The following PGM3 variants were observed in gnomAD, a reference collection of about 807,000 sequenced individuals.
The protein encoded by PGM3 is phosphoglucomutase 3.
A neutral mutation model predicts 66.2 loss-of-function variants in PGM3; 40 were observed. The observed-to-expected ratio is 0.60, with a 90% CI of 0.47 to 0.79. The LOEUF is 0.79. Among genes scored for constraint, PGM3 ranks in the 30% least tolerant of loss-of-function variants. PGM3 has a pLI of 0.00. For missense variants in PGM3, 537 were observed against 643.4 expected (o/e 0.83, Z 1.79); for synonymous variants, 191 against 224.2 (o/e 0.85, Z 1.32).
the PGM3 span, among the ~76,000 whole-genome samples, chr6:83,149,312 T>C: frequency 6.6e-6 from 1 of 152,210 alleles, no homozygotes; most frequent in Non-Finnish European, 1.5e-5. Flanking sequence ...TAAATGTTAG[T>C]CACCTATGAC....
the PGM3 span, chr6:83,152,230 A>T: frequency 2.0e-6 from 2 of 976,102 alleles, no homozygotes; most frequent in South Asian, 1.6e-5. Context: ...ACACACACAC[A>T]CATAAAATTT....
At chr6:83,178,860 TGTGCCTTA>T (rs1483053213) in intron 7 of PGM3, 104 bp from the exon 8 acceptor site, 1 of 736,780 alleles carries the variant, frequency 1.4e-6, no homozygotes, top group African/African-American at 1.8e-5. Flanking sequence ...CCAGTTCAGT[TGTGCCTTA>T]GTTTATGCCA....
Position 83,166,482 on chromosome 6 carries a change from AAAATCGCT to A in PGM3, c.*2744_*2751del, listed in dbSNP as rs1264873976. On this transcript the variant is annotated 3_prime_UTR_variant, in exon 13 of 13. Coordinates refer to ENST00000513973, the MANE Select transcript of PGM3 (RefSeq NM_015599.3). ...GCTTTATAACCTATTTTGAACTCAGAAAATCGCTAAATTTGATTTTTGTCTAACATCAT... is the reference window on the plus strand; with the variant it reads ...GCTTTATAACCTATTTTGAACTCAGAAAATTTGATTTTTGTCTAACATCAT... 1.4e-6 allele frequency: 1 copy of A among 698,536 alleles called. No homozygotes were observed. Among genetic ancestry groups the A allele is most frequent in the Non-Finnish European group, 2.6e-6 (1 of 384,064 alleles). 43.3% of individuals were successfully genotyped at this position (698,536 alleles called of 1,614,324 possible).
In PGM3 at chr6:83,166,458, C is replaced by T. The variant is rs1223156571; in HGVS notation, c.*2776G>A. The T allele has an allele frequency of 5.7e-6, 4 of 701,164 alleles. No homozygotes were observed. In the South Asian group the frequency reaches 6.0e-5, roughly 10 times the overall value. 43.4% of individuals were successfully genotyped at this position (701,164 alleles called of 1,614,324 possible). On this transcript the variant is annotated 3_prime_UTR_variant, in exon 13 of 13. Transcript: ENST00000513973. Reference sequence around the variant, plus strand: ...TTGATGTTGTGTGTTGTCTCTGCTGCTTTATAACCTATTTTGAACTCAGAA... The same window carrying T: ...TTGATGTTGTGTGTTGTCTCTGCTGTTTTATAACCTATTTTGAACTCAGAA...
Position 83,170,655 on chromosome 6 carries a change from G to C in PGM3, c.1366-177C>G, listed in dbSNP as rs557189193. Reference sequence around the variant, plus strand: ...TGTGCAACTTTTCTCTTTTTCTTCAGTCTATAAAGAATTACCTTTGGCAAA... The same window carrying C: ...TGTGCAACTTTTCTCTTTTTCTTCACTCTATAAAGAATTACCTTTGGCAAA... On this transcript the variant is annotated intron_variant, in intron 11 of 12. Transcript: ENST00000513973. 4.2e-5 allele frequency: 24 copies of C among 574,300 alleles called. 1 individual carries two copies. The East Asian group carries it at 6.0e-4, about 14-fold the overall frequency. The allele number at this position is 574,300 out of a possible 1,614,324, so 35.6% of individuals were successfully genotyped here. A position where few individuals can be genotyped will look rare whatever the true frequency, so the allele number is the denominator to read the frequency against.
intron 10 of PGM3, among the ~76,000 whole-genome samples, chr6:83,172,680 C>CA (rs1461956432): frequency 3.4e-5 from 5 of 149,210 alleles, no homozygotes; most frequent in Admixed American, 2.0e-4. Context: ...ACAACAACAA[C>CA]AAAAAAAACC....
At position 83,165,828 on chromosome 6, in the gene PGM3, C is replaced by A; in HGVS notation, c.*3406G>T. ...ATTGGGCCCTTTCTGGTGGCCAATG[C>A]CGGCTGCAGGCATTGCAGTTTTTGG... On this transcript the variant is annotated 3_prime_UTR_variant, in exon 13 of 13. Transcript: ENST00000513973. The A allele has an allele frequency of 3.2e-6, 1 of 316,020 alleles. No homozygotes were observed. The highest frequency in any genetic ancestry group is 2.9e-5 in the South Asian group (1 of 34,050). The allele number at this position is 316,020 out of a possible 1,614,324, so 19.6% of individuals were successfully genotyped here.
In PGM3 at chr6:83,166,591, G is replaced by C; in HGVS notation, c.*2643C>G. 1.6e-6 allele frequency: 1 copy of C among 644,904 alleles called. No individual in the cohort carries two copies. The highest frequency in any genetic ancestry group is 2.5e-6 in the Non-Finnish European group (1 of 398,262). The allele number at this position is 644,904 out of a possible 1,614,324, so 39.9% of individuals were successfully genotyped here. On this transcript the variant is annotated 3_prime_UTR_variant, in exon 13 of 13. Coordinates refer to ENST00000513973, the MANE Select transcript of PGM3 (RefSeq NM_015599.3). ...AAGTGAGAAATATGCTTAAAATGAT[G>C]TATAACATAACCACATTTATTTAAG...
In PGM3 at chr6:83,171,975, G is replaced by A. The variant is rs141509908; in HGVS notation, c.1327C>T (p.Leu443Phe). The change falls in exon 11 of 13, where the codon CTC becomes TTC. Residue 443 changes from leucine to phenylalanine, a missense_variant. By Grantham distance (22) the Leu-to-Phe change is conservative. Transcript: ENST00000513973. ...TGTCTGTTTGGAAGATCTGTATAGA[G>A]AGCATCCCACTGTTGTACAGTCAAG... Reference protein sequence around the residue: ...KGLTVQQWDALYTDLPNRQLK... With the variant: ...KGLTVQQWDAFYTDLPNRQLK... The A allele has an allele frequency of 6.8e-6, 11 of 1,613,226 alleles. No individual in the cohort carries two copies. The Admixed American group carries it at 1.2e-4, about 17-fold the overall frequency.
upstream of PGM3, chr6:83,193,427 T>C (rs1047380797): frequency 2.6e-5 from 4 of 152,106 alleles, no homozygotes; most frequent in African/African-American, 7.2e-5. Flanking sequence ...GCTGTTACCA[T>C]TGAGTGACCA....
In PGM3 at chr6:83,174,466, C is replaced by T; in HGVS notation, c.1150G>A (p.Glu384Lys). The T allele has an allele frequency of 6.3e-7, 1 of 1,595,814 alleles. No homozygotes were observed. Among genetic ancestry groups the T allele is most frequent in the Non-Finnish European group, 8.6e-7 (1 of 1,166,978 alleles). The change falls in exon 10 of 13, where the codon GAA (glutamate) becomes AAA (lysine). Residue 384 changes from glutamate to lysine, a missense_variant. Transcript: ENST00000513973. ...HGTALFSTAV[E>K]MKIKQSAEQL... The stretch of plus-strand genomic sequence containing the variant: ...TCTGCTGATTGTTTTATCTTCATTT[C>T]AACAGCTGTACTAAACAGTGCCTGC...
Position 83,166,737 on chromosome 6 carries a change from A to G in PGM3, c.*2497T>C. On this transcript the variant is annotated 3_prime_UTR_variant, in exon 13 of 13. Transcript: ENST00000513973. ...TAAAATAAGCAATAAGCTTGAGAGCACATAGAAGAAAATAAGCTGGATTTT... is the reference window on the plus strand; with the variant it reads ...TAAAATAAGCAATAAGCTTGAGAGCGCATAGAAGAAAATAAGCTGGATTTT... 8.7e-7 allele frequency: 1 copy of G among 1,147,916 alleles called. No individual in the cohort carries two copies. The allele number at this position is 1,147,916 out of a possible 1,614,324, so 71.1% of individuals were successfully genotyped here.
chr6:83,191,061 A>C (rs191815328), intron 1 of PGM3, 47 bp from the exon 2 acceptor site: 1 of 1,576,208 alleles, frequency 6.3e-7, no homozygotes, highest in South Asian at 1.1e-5. Context: ...GTAATTTCTT[A>C]AGAACCATTT....
chr6:83,178,258 A>G (rs1787923500), intron 8 of PGM3, among the ~76,000 whole-genome samples: 1 of 152,214 alleles, frequency 6.6e-6, no homozygotes, highest in Non-Finnish European at 1.5e-5. Context: ...ACAGGTAGAT[A>G]GTTACAAATT....
Position 83,178,740 on chromosome 6 carries a change from T to C in PGM3, c.962A>G (p.Asn321Ser). The C allele has an allele frequency of 6.3e-7, 1 of 1,581,620 alleles. No homozygotes were observed. The highest frequency in any genetic ancestry group is 1.1e-5 in the South Asian group (1 of 90,392). The change falls in exon 8 of 13, where the codon AAT becomes AGT. Residue 321 changes from asparagine to serine, a missense_variant. Physicochemically the swap from Asn to Ser is conservative, Grantham distance 46. Transcript: ENST00000513973. ...ATATGCAGTTTGTACAACACCAATA[T>C]TCAAACTTTCTCCAATCTAGACAAA... ...ELLVEIGESL[N>S]IGVVQTAYAN... is the part of the protein sequence containing the mutation.
chr6:83,188,862 C>A, intron 2 of PGM3, 64 bp from the exon 3 acceptor site: 1 of 1,395,696 alleles, frequency 7.2e-7, no homozygotes, highest in Non-Finnish European at 1.0e-6. Flanking sequence ...GAGAACAGAA[C>A]TCAAAAGCTG....
At chr6:83,151,962 A>C in the PGM3 span, 11 of 1,614,010 alleles carry the variant, frequency 6.8e-6, no homozygotes, top group Non-Finnish European at 8.5e-6. Context: ...CTGCGACGAA[A>C]TCTTGAAGTT....
At position 83,168,574 on chromosome 6, in the gene PGM3, G is replaced by T; in HGVS notation, c.*660C>A. The T allele has an allele frequency of 1.0e-6, 1 of 997,286 alleles. No individual in the cohort carries two copies. The highest frequency in any genetic ancestry group is 1.7e-5 in the African/African-American group (1 of 57,372). The allele number at this position is 997,286 out of a possible 1,614,324, so 61.8% of individuals were successfully genotyped here. On this transcript the variant is annotated 3_prime_UTR_variant, in exon 13 of 13. Transcript: ENST00000513973. ...GAATGGTGTTCCTTCTCCATCAGAG[G>T]CTGGGAAACGTATTATAATTAGTTT...
chr6:83,161,695 T>A (rs1165194666), downstream of PGM3, among the ~76,000 whole-genome samples: 1 of 152,194 alleles, frequency 6.6e-6, no homozygotes, highest in Non-Finnish European at 1.5e-5. Flanking sequence ...GCTTTCCTTT[T>A]ACTTTTAGTA....
Sources: gnomAD v4.1 joint callset for allele counts (sites outside exome capture counted in the v4.1 genomes callset) on GRCh38, gnomAD v4.1.1 for gene constraint, MANE v1.5 for transcripts, NCBI Gene and HGNC (gene_info 2026-07-23, HGNC 2026-07-21) for gene names.